Variants in CYB5R4 observed in about 807,000 individuals in gnomAD.
CYB5R4 encodes the protein cytochrome b5 reductase 4, also known as N-terminal cytochrome b5 and cytochrome b5 oxidoreductase domain-containing protein.
In CYB5R4, 55 loss-of-function variants were observed where a neutral mutation model predicts 70.2. The ratio of observed to expected loss-of-function variants is 0.78; its 90% CI spans 0.63 to 0.98. The LOEUF is 0.98. CYB5R4 is among the 50% of genes least tolerant of loss of function. The pLI is 0.00. For missense variants in CYB5R4, 562 were observed against 612.6 expected (o/e 0.92, Z 0.87); for synonymous variants, 197 against 199.5 (o/e 0.99, Z 0.11).
intron 14 of CYB5R4, among the ~76,000 whole-genome samples, chr6:83,943,323 G>T (rs1024240447): frequency 1.3e-5 from 2 of 152,226 alleles, no homozygotes; most frequent in Admixed American, 1.3e-4. Context: ...GGAAAACAGG[G>T]TCTAGAGTGG....
chr6:83,953,625 G>A (rs1316814556), intron 14 of CYB5R4, among the ~76,000 whole-genome samples: 3 of 152,092 alleles, frequency 2.0e-5, no homozygotes, highest in Non-Finnish European at 4.4e-5. Flanking sequence ...TATGGCAATG[G>A]TATATCAAAT....
chr6:83,918,671 A>C, intron 6 of CYB5R4, among the ~76,000 whole-genome samples: 1 of 152,056 alleles, frequency 6.6e-6, no homozygotes, highest in East Asian at 1.9e-4. Flanking sequence ...AGTTGTCTTT[A>C]ACAGTTAACA....
chr6:83,943,063 C>G (rs970744339), intron 14 of CYB5R4, among the ~76,000 whole-genome samples: 3 of 152,190 alleles, frequency 2.0e-5, no homozygotes, highest in African/African-American at 7.2e-5. Context: ...TTCCTGCTTG[C>G]TGGCTCTGAA....
At chr6:83,866,919 A>T (rs1208813165) in intron 2 of CYB5R4, among the ~76,000 whole-genome samples, 4 of 152,146 alleles carry the variant, frequency 2.6e-5, no homozygotes, top group Non-Finnish European at 5.9e-5. Context: ...ATACCTGGCC[A>T]TGAATTTTTT....
intron 2 of CYB5R4, among the ~76,000 whole-genome samples, chr6:83,883,757 A>G (rs1330068743): frequency 1.3e-5 from 2 of 152,146 alleles, no homozygotes; most frequent in Admixed American, 6.6e-5. Flanking sequence ...TGTCCTCTTC[A>G]TTTTATAAAA....
chr6:83,882,570 C>T (rs2099459622), intron 2 of CYB5R4, among the ~76,000 whole-genome samples: 1 of 152,114 alleles, frequency 6.6e-6, no homozygotes, highest in Non-Finnish European at 1.5e-5. Context: ...TCCAAAGTTA[C>T]TAGATATACT....
Position 83,937,725 on chromosome 6 carries a change from G to A in CYB5R4, c.1108+1349G>A, listed in dbSNP as rs76598307. On this transcript the variant is annotated intron_variant, in intron 12 of 15. Transcript: ENST00000369681. ...ATAGAGATGAGGTTTCACTATGTTG[G>A]CCAAGCTGGTCTCGAACTCCTAACC... Among the ~76,000 whole-genome samples, 13 of 152,218 alleles carry A rather than the reference G, an allele frequency of 8.5e-5. No homozygotes were observed. In the East Asian group the frequency reaches 2.5e-3, roughly 29 times the overall value.
intron 3 of CYB5R4, among the ~76,000 whole-genome samples, chr6:83,894,967 C>T (rs375609422): frequency 5.9e-5 from 9 of 152,110 alleles, no homozygotes; most frequent in African/African-American, 2.2e-4. Flanking sequence ...GTTCAAGGGC[C>T]CATTGTGTTT....
intron 2 of CYB5R4, among the ~76,000 whole-genome samples, chr6:83,875,705 A>G (rs1313252234): frequency 1.3e-5 from 2 of 152,206 alleles, no homozygotes; most frequent in African/African-American, 2.4e-5. Context: ...GCTTGTATAC[A>G]TGTGGAGATG....
intron 8 of CYB5R4, among the ~76,000 whole-genome samples, chr6:83,921,907 T>C (rs1025408902): frequency 3.3e-5 from 5 of 152,316 alleles, no homozygotes; most frequent in African/African-American, 1.2e-4. Flanking sequence ...GGGGCAGAAA[T>C]GTTTCTGTCT....
chr6:83,869,490 C>T lies in CYB5R4; in HGVS notation c.229+5162C>T, dbSNP rs528923848. On this transcript the variant is annotated intron_variant, in intron 2 of 15. Transcript: ENST00000369681. ...GTGCACATTCCTAGCTGAGGTTAGA[C>T]AAGGCTATGTTCTGACTTCTTGTTT... Among the ~76,000 whole-genome samples the T allele has an allele frequency of 1.7e-4, 26 of 152,252 alleles. No individual in the cohort carries two copies. The South Asian group carries it at 5.0e-3, about 29-fold the overall frequency.
chr6:83,934,084 G>T (rs1232126220), intron 10 of CYB5R4, among the ~76,000 whole-genome samples: 1 of 152,020 alleles, frequency 6.6e-6, no homozygotes, highest in East Asian at 1.9e-4. Flanking sequence ...TGAGTTTCAG[G>T]ACTTTTCCAT....
intron 2 of CYB5R4, among the ~76,000 whole-genome samples, chr6:83,890,091 G>A (rs1322624711): frequency 1.3e-5 from 2 of 152,178 alleles, no homozygotes; most frequent in African/African-American, 2.4e-5. Context: ...CAATCCAGGA[G>A]CCATCTTGAT....
Position 83,955,532 on chromosome 6 carries a change from T to G in CYB5R4, c.1511+70T>G. The G allele has an allele frequency of 5.7e-6, 8 of 1,399,062 alleles. No homozygotes were observed. In the South Asian group the frequency reaches 5.7e-5, roughly 10 times the overall value. The allele number at this position is 1,399,062 out of a possible 1,614,324, so 86.7% of individuals were successfully genotyped here. On this transcript the variant is annotated intron_variant, in intron 15 of 15. Coordinates refer to ENST00000369681, the MANE Select transcript of CYB5R4 (RefSeq NM_016230.4). ...GAAGATCTTTCATAACAAGCATCTCTCAGTTCTTCCTGTTTATATGAAACT... is the reference window on the plus strand; with the variant it reads ...GAAGATCTTTCATAACAAGCATCTCGCAGTTCTTCCTGTTTATATGAAACT...
At chr6:83,874,137 T>TC (rs2099458124) in intron 2 of CYB5R4, among the ~76,000 whole-genome samples, 2 of 10,080 alleles carry the variant, frequency 2.0e-4, no homozygotes, top group Non-Finnish European at 3.6e-4. Flanking sequence ...TCCCCTCCCC[T>TC]CCCTTCCCCT....
At chr6:83,928,942 C>T (rs1265654432) in intron 10 of CYB5R4, among the ~76,000 whole-genome samples, 1 of 152,064 alleles carries the variant, frequency 6.6e-6, no homozygotes, top group Non-Finnish European at 1.5e-5. Flanking sequence ...TCCATGAATT[C>T]TTTTATTTCT....
intron 15 of CYB5R4, among the ~76,000 whole-genome samples, chr6:83,955,739 C>T (rs2099472331): frequency 6.6e-6 from 1 of 152,178 alleles, no homozygotes; most frequent in Non-Finnish European, 1.5e-5. Context: ...ATTGGTGCCA[C>T]AATTCTTATT....
At position 83,942,225 on chromosome 6, in the gene CYB5R4, G is replaced by A. The variant is rs56902711; in HGVS notation, c.1346+1624G>A. ...ACAGCTCCGGTCTGCAGCTCCCAGCGAGACCAACACGGAAGGCCGGTGATT... is the reference window on the plus strand; with the variant it reads ...ACAGCTCCGGTCTGCAGCTCCCAGCAAGACCAACACGGAAGGCCGGTGATT... On this transcript the variant is annotated intron_variant, in intron 14 of 15. Transcript: ENST00000369681. Among the ~76,000 whole-genome samples, 656 of 152,312 alleles carry A rather than the reference G, an allele frequency of 4.3e-3. 6 individuals are homozygous for A. Among genetic ancestry groups the A allele is most frequent in the African/African-American group, 0.015 (627 of 41,582 alleles).
intron 15 of CYB5R4, among the ~76,000 whole-genome samples, chr6:83,959,468 AT>A (rs2099472971): frequency 6.6e-6 from 1 of 152,232 alleles, no homozygotes; most frequent in Non-Finnish European, 1.5e-5. Context: ...TTGTCAACAA[AT>A]AAATTGCAGG....
Sources: allele counts gnomAD v4.1 joint callset (sites outside exome capture counted in the v4.1 genomes callset), GRCh38; gene constraint gnomAD v4.1.1; transcripts MANE v1.5; gene names NCBI Gene and HGNC (gene_info 2026-07-23, HGNC 2026-07-21).